Variants in KCNIP4 observed in about 807,000 individuals in gnomAD.
KCNIP4 encodes the protein Kv channel-interacting protein 4.
Under a neutral mutation model 34.0 loss-of-function variants are expected in KCNIP4, and 12 were observed. The ratio of observed to expected loss-of-function variants is 0.35; its 90% confidence interval spans 0.23 to 0.57. The LOEUF is 0.57. Ranked by LOEUF, KCNIP4 falls within the 20% of genes least tolerant of loss-of-function variation. The pLI is 0.83. For missense variants in KCNIP4, 238 were observed against 311.7 expected, an observed-to-expected ratio of 0.76 and a Z score of 1.78; for synonymous variants, 124 against 102.2, an observed-to-expected ratio of 1.21 and a Z score of -1.29.
At chr4:21,689,680 G>A (rs1030895390) in intron 1 of KCNIP4, among the ~76,000 whole-genome samples, 1 of 152,172 alleles carries the variant, frequency 6.6e-6, no homozygotes, top group African/African-American at 2.4e-5. Context: ...TGATAGTTCA[G>A]ATATGAGATA....
intron 3 of KCNIP4, among the ~76,000 whole-genome samples, chr4:20,814,690 G>T (rs1371366932): frequency 6.6e-6 from 1 of 152,128 alleles, no homozygotes; most frequent in Admixed American, 6.6e-5. Context: ...GATATTAGAG[G>T]AGGATCCCTA....
At chr4:21,462,574 G>C (rs900034411) in intron 1 of KCNIP4, among the ~76,000 whole-genome samples, 21 of 152,038 alleles carry the variant, frequency 1.4e-4, no homozygotes. Context: ...ACTCTTCCCA[G>C]CCCATGGTAG....
intron 5 of KCNIP4, among the ~76,000 whole-genome samples, chr4:20,737,910 T>G (rs1328093982): frequency 1.3e-5 from 2 of 151,836 alleles, no homozygotes; most frequent in Non-Finnish European, 2.9e-5. Context: ...GGTGGGAAGG[T>G]TGTTTGAGTC....
chr4:21,463,768 G>C (rs67990405), intron 1 of KCNIP4, among the ~76,000 whole-genome samples: 1 of 151,938 alleles, frequency 6.6e-6, no homozygotes, highest in African/African-American at 2.4e-5. Context: ...TTTTGAAAGA[G>C]TTTGTAAAGA....
intron 1 of KCNIP4, among the ~76,000 whole-genome samples, chr4:21,222,357 A>G (rs1758042373): frequency 6.6e-6 from 1 of 152,166 alleles, no homozygotes; most frequent in African/African-American, 2.4e-5. Context: ...ATTACTTTCT[A>G]GAGTAAACTT....
chr4:21,898,991 T>C (rs1727558649), intron 1 of KCNIP4, among the ~76,000 whole-genome samples: 1 of 152,142 alleles, frequency 6.6e-6, no homozygotes, highest in South Asian at 2.1e-4. Context: ...GAGGCACCTC[T>C]GCATGTGGAA....
chr4:21,874,040 C>A (rs748865806), intron 1 of KCNIP4, among the ~76,000 whole-genome samples: 2 of 152,170 alleles, frequency 1.3e-5, no homozygotes, highest in Non-Finnish European at 2.9e-5. Context: ...TGGGCTCTTG[C>A]CAAGCTGTAT....
intron 1 of KCNIP4, among the ~76,000 whole-genome samples, chr4:21,056,242 T>C (rs915259611): frequency 2.6e-5 from 4 of 152,280 alleles, no homozygotes; most frequent in Non-Finnish European, 4.4e-5. Context: ...ACCATCTTTG[T>C]AGTAAATTTG....
At chr4:20,910,116 A>T (rs1298659247) in intron 1 of KCNIP4, among the ~76,000 whole-genome samples, 1 of 152,182 alleles carries the variant, frequency 6.6e-6, no homozygotes, top group Admixed American at 6.5e-5. Context: ...CCTGATGCGT[A>T]TCTTTTTCGA....
chr4:21,792,188 G>A (rs1407096820), intron 1 of KCNIP4, among the ~76,000 whole-genome samples: 3 of 144,190 alleles, frequency 2.1e-5, no homozygotes, highest in African/African-American at 5.9e-5. Context: ...CACATAAACC[G>A]TATCTGTCTT....
At chr4:21,517,693 G>T (rs745859714) in intron 1 of KCNIP4, among the ~76,000 whole-genome samples, 13 of 152,070 alleles carry the variant, frequency 8.5e-5, no homozygotes, top group Non-Finnish European at 1.6e-4. Flanking sequence ...CAACCCTGTT[G>T]CTGACATATT....
At chr4:21,875,973 A>G (rs1369858327) in intron 1 of KCNIP4, among the ~76,000 whole-genome samples, 1 of 152,214 alleles carries the variant, frequency 6.6e-6, no homozygotes, top group East Asian at 1.9e-4. Context: ...AGGAGACTTC[A>G]GAAAAATCAA....
chr4:21,666,321 A>C (rs1748957405), intron 1 of KCNIP4, among the ~76,000 whole-genome samples: 1 of 152,174 alleles, frequency 6.6e-6, no homozygotes, highest in Non-Finnish European at 1.5e-5. Context: ...TTGAATCTTG[A>C]CTTCATTAGA....
At chr4:21,830,705 T>A (rs1722932106) in intron 1 of KCNIP4, among the ~76,000 whole-genome samples, 1 of 151,908 alleles carries the variant, frequency 6.6e-6, no homozygotes, top group Non-Finnish European at 1.5e-5. Flanking sequence ...ATAATACTAC[T>A]AGGAAACTTC....
chr4:20,771,561 T>C (rs1457877208), intron 3 of KCNIP4, among the ~76,000 whole-genome samples: 5 of 152,198 alleles, frequency 3.3e-5, no homozygotes, highest in African/African-American at 1.2e-4. Flanking sequence ...GTGTCGTCTA[T>C]AGATTACGGT....
chr4:20,804,978 G>C (rs1714873131), intron 3 of KCNIP4, among the ~76,000 whole-genome samples: 1 of 152,046 alleles, frequency 6.6e-6, no homozygotes, highest in Non-Finnish European at 1.5e-5. Flanking sequence ...CAGGAGCAGA[G>C]TCGTGATTCT....
chr4:21,519,530 G>GTATGTGCATATACACATATGTGTATA (rs1560479910), intron 1 of KCNIP4, among the ~76,000 whole-genome samples: 1 of 38,340 alleles, frequency 2.6e-5, no homozygotes, highest in Admixed American at 3.3e-4. Flanking sequence ...ATGTGTGTAT[G>GTATGTGCATATACACATATGTGTATA]TGTATGTGTA....
chr4:21,935,166 C>T (rs1179605422), intron 1 of KCNIP4, among the ~76,000 whole-genome samples: 1 of 152,004 alleles, frequency 6.6e-6, no homozygotes, highest in African/African-American at 2.4e-5. Context: ...CAAAGACCAA[C>T]CACAATGCCC....
In KCNIP4 at chr4:21,294,939, T is replaced by G. The variant is rs188281580; in HGVS notation, c.62-412230A>C. 5.3e-5 allele frequency among the ~76,000 whole-genome samples: 8 copies of G among 152,326 alleles called. 1 individual carries two copies. Among genetic ancestry groups the G allele is most frequent in the South Asian group, 4.1e-4 (2 of 4,830 alleles). On this transcript the variant is annotated intron_variant, in intron 1 of 8. Transcript: ENST00000382152. ...AGGATAACAACATTGTCTTCTTTTT[T>G]TGTGTGTGAAATTCACCTTTTTACC...
Sources: allele counts gnomAD v4.1 joint callset (sites outside exome capture counted in the v4.1 genomes callset), GRCh38; gene constraint gnomAD v4.1.1; transcripts MANE v1.5; gene names NCBI Gene and HGNC (gene_info 2026-07-23, HGNC 2026-07-21).